CACNB2: variants seen among roughly 807,000 people sequenced by gnomAD.
CACNB2 encodes calcium voltage-gated channel auxiliary subunit beta 2, also known as voltage-dependent L-type calcium channel subunit beta-2.
In CACNB2, 42 loss-of-function variants were observed where a neutral mutation model predicts 73.3. The ratio of observed to expected loss-of-function variants is 0.57; its 90% CI spans 0.45 to 0.74. The LOEUF (loss-of-function observed/expected upper bound fraction) is 0.74. CACNB2 is among the 30% of genes least tolerant of loss of function. CACNB2 has a pLI of 0.00. For synonymous variants in CACNB2, 348 were observed against 310.3 expected (o/e 1.12, Z -1.28); for missense variants, 940 against 853.0 (o/e 1.10, Z -1.27).
At chr10:18,141,732 A>G (rs1331717575) in intron 1 of CACNB2, among the ~76,000 whole-genome samples, 1 of 152,234 alleles carries the variant, frequency 6.6e-6, no homozygotes, top group Admixed American at 6.5e-5. Flanking sequence ...TCCAGGTCTC[A>G]GCGATGAGGA....
At chr10:18,431,955 G>T (rs2045910292) in intron 3 of CACNB2, among the ~76,000 whole-genome samples, 1 of 152,130 alleles carries the variant, frequency 6.6e-6, no homozygotes, top group African/African-American at 2.4e-5. Context: ...AGTGCAAATA[G>T]GGTTTCACCA....
chr10:18,155,601 C>G (rs1431833837), intron 2 of CACNB2, among the ~76,000 whole-genome samples: 1 of 152,086 alleles, frequency 6.6e-6, no homozygotes, highest in African/African-American at 2.4e-5. Context: ...ATATGGCATG[C>G]CTGTGTTCAG....
At chr10:18,324,762 A>G (rs1051186687) in intron 2 of CACNB2, among the ~76,000 whole-genome samples, 7 of 152,346 alleles carry the variant, frequency 4.6e-5, no homozygotes, top group Middle Eastern at 6.8e-3. Flanking sequence ...AGGCTGAGGC[A>G]GGAGAATTGC....
intron 2 of CACNB2, among the ~76,000 whole-genome samples, chr10:18,164,280 A>G (rs1888692): frequency 0.044 from 6,758 of 152,276 alleles, 208 homozygotes; most frequent in Middle Eastern, 0.11. Flanking sequence ...AACCAGTGCC[A>G]CTGACTAATA....
At chr10:18,168,350 G>C (rs945115467) in intron 2 of CACNB2, among the ~76,000 whole-genome samples, 15 of 152,130 alleles carry the variant, frequency 9.9e-5, no homozygotes, top group African/African-American at 3.6e-4. Flanking sequence ...AAACCAACTA[G>C]TAGGAGAAGA....
At chr10:18,305,019 G>C (rs2039674248) in intron 2 of CACNB2, among the ~76,000 whole-genome samples, 1 of 152,162 alleles carries the variant, frequency 6.6e-6, no homozygotes, top group African/African-American at 2.4e-5. Flanking sequence ...ATATTTTTGT[G>C]TCTTATACAA....
At chr10:18,154,668 A>G (rs1296242937) in intron 2 of CACNB2, among the ~76,000 whole-genome samples, 1 of 152,126 alleles carries the variant, frequency 6.6e-6, no homozygotes, top group African/African-American at 2.4e-5. Context: ...GGGTTTCGCC[A>G]TGTTGGCCAG....
chr10:18,407,009 A>G (rs2044323879), intron 3 of CACNB2, among the ~76,000 whole-genome samples: 2 of 151,408 alleles, frequency 1.3e-5, no homozygotes, highest in South Asian at 4.2e-4. Context: ...TTCTACCTTC[A>G]CAAATTAGCT....
intron 3 of CACNB2, among the ~76,000 whole-genome samples, chr10:18,431,824 G>GCGT (rs2045904756): frequency 6.6e-6 from 1 of 151,982 alleles, no homozygotes; most frequent in Non-Finnish European, 1.5e-5. Flanking sequence ...GAGTGCAGTG[G>GCGT]CGTGATCTCA....
intron 2 of CACNB2, among the ~76,000 whole-genome samples, chr10:18,153,478 A>G (rs1014026875): frequency 2.6e-5 from 4 of 152,100 alleles, no homozygotes; most frequent in Non-Finnish European, 5.9e-5. Context: ...CTGCCATAAG[A>G]TAGCCAGATA....
At chr10:18,445,107 T>C (rs183042158) in intron 3 of CACNB2, among the ~76,000 whole-genome samples, 2 of 152,340 alleles carry the variant, frequency 1.3e-5, no homozygotes, top group Admixed American at 1.3e-4. Flanking sequence ...GATAGGTGTT[T>C]TGCTTCTGCC....
At chr10:18,261,287 G>A (rs1437887671) in intron 2 of CACNB2, 1 of 1,551,368 alleles carries the variant, frequency 6.4e-7, no homozygotes, top group African/African-American at 1.4e-5. Flanking sequence ...GCTGCGGGCT[G>A]GTGCATCGCC....
intron 2 of CACNB2, among the ~76,000 whole-genome samples, chr10:18,308,263 G>C (rs1433898973): frequency 6.6e-6 from 1 of 151,974 alleles, no homozygotes; most frequent in East Asian, 1.9e-4. Context: ...CAAATTGCTG[G>C]GATTATAGGC....
chr10:18,448,373 T>A (rs11014270), intron 3 of CACNB2, among the ~76,000 whole-genome samples: 99,114 of 150,960 alleles, frequency 0.66, 33,279 homozygotes, highest in South Asian at 0.74. Flanking sequence ...ACTCAGGAGC[T>A]CTGAGGCAGG....
rs1564554040 is a variant in CACNB2, at chr10:18,442,990, ATATATATG to A, written c.333+40949_333+40956del. Among the ~76,000 whole-genome samples, 47 of 17,404 alleles carry A rather than the reference ATATATATG, an allele frequency of 2.7e-3. 2 individuals are homozygous for A. The highest frequency in any genetic ancestry group is 6.0e-3 in the East Asian group (2 of 336). 11.4% of individuals were successfully genotyped at this position (17,404 alleles called of 152,430 possible). On this transcript the variant is annotated intron_variant, in intron 3 of 13. Transcript: ENST00000324631. Reference sequence around the variant, plus strand: ...TATATGTGTATATATATATATGTATATATATATGTGTATATATATATATGTATATATAT... The same window carrying A: ...TATATGTGTATATATATATATGTATATGTATATATATATATGTATATATAT...
At chr10:18,407,268 C>T (rs376127709) in intron 3 of CACNB2, among the ~76,000 whole-genome samples, 9 of 151,224 alleles carry the variant, frequency 6.0e-5, no homozygotes, top group South Asian at 4.2e-4. Context: ...ATTACAGGCA[C>T]GCACCACCAC....
chr10:18,302,621 A>G (rs1333079287), intron 2 of CACNB2, among the ~76,000 whole-genome samples: 1 of 152,216 alleles, frequency 6.6e-6, no homozygotes, highest in Non-Finnish European at 1.5e-5. Flanking sequence ...TTATATTCAT[A>G]TGTTCTCAAC....
intron 3 of CACNB2, among the ~76,000 whole-genome samples, chr10:18,484,916 A>G (rs2048979700): frequency 6.6e-6 from 1 of 152,194 alleles, no homozygotes; most frequent in African/African-American, 2.4e-5. Flanking sequence ...GCACTTTGGA[A>G]GGCTGATGCA....
chr10:18,498,694 T>G, intron 4 of CACNB2: 1 of 531,392 alleles, frequency 1.9e-6, no homozygotes, highest in Non-Finnish European at 3.4e-6. Context: ...ACTTCAGCGC[T>G]CCCTGGGGCT....
Sources: gnomAD v4.1 joint callset for allele counts (sites outside exome capture counted in the v4.1 genomes callset) on GRCh38, gnomAD v4.1.1 for gene constraint, MANE v1.5 for transcripts, NCBI Gene and HGNC (gene_info 2026-07-23, HGNC 2026-07-21) for gene names.